TET3: variants seen among roughly 807,000 people sequenced by gnomAD.
TET3 encodes the protein tet methylcytosine dioxygenase 3, also known as methylcytosine dioxygenase TET3.
In TET3, 19 loss-of-function variants were observed where a neutral mutation model predicts 141.4. That is an observed-to-expected ratio of 0.13 (90% CI 0.09 to 0.20). The LOEUF is 0.20. Among genes scored for constraint, TET3 ranks in the 10% least tolerant of loss-of-function variants. The probability of loss-of-function intolerance (pLI) is 1.00; values close to 1 mark genes in which losing one functional copy is unlikely to be tolerated. For missense variants in TET3, 1,874 were observed against 2,356.9 expected (o/e 0.80, Z 4.24); for synonymous variants, 1,043 against 980.9 (o/e 1.06, Z -1.18).
chr2:74,052,300 T>G (rs1347717663), intron 4 of TET3, among the ~76,000 whole-genome samples: 1 of 152,112 alleles, frequency 6.6e-6, no homozygotes, highest in Non-Finnish European at 1.5e-5. Context: ...TCAGTTGGTA[T>G]GGTAGAATTT....
intron 3 of TET3, among the ~76,000 whole-genome samples, chr2:74,026,392 A>T (rs902540418): frequency 9.9e-5 from 15 of 152,042 alleles, no homozygotes; most frequent in African/African-American, 3.4e-4. Context: ...CTTTGAGGCC[A>T]GTGGCCGGGG....
At chr2:74,068,444 T>G (rs371255622) in intron 4 of TET3, among the ~76,000 whole-genome samples, 1 of 152,190 alleles carries the variant, frequency 6.6e-6, no homozygotes, top group African/African-American at 2.4e-5. Flanking sequence ...TAATTCCTTT[T>G]GACAACTGCT....
chr2:74,024,917 C>G (rs1440790245), intron 3 of TET3, among the ~76,000 whole-genome samples: 2 of 151,934 alleles, frequency 1.3e-5, no homozygotes, highest in Non-Finnish European at 2.9e-5. Context: ...GTATTTGAAC[C>G]ATTTGAAAGT....
At chr2:74,119,284 C>T in the TET3 span, among the ~76,000 whole-genome samples, 3 of 147,778 alleles carry the variant, frequency 2.0e-5, no homozygotes, top group East Asian at 2.0e-4. Flanking sequence ...ACCGGGGAGG[C>T]GGAGGTTGCA....
intron 3 of TET3, among the ~76,000 whole-genome samples, chr2:74,008,289 A>T (rs1685247334): frequency 6.6e-6 from 1 of 152,180 alleles, no homozygotes; most frequent in South Asian, 2.1e-4. Flanking sequence ...GTAGATAAGG[A>T]TGCCTCCTGC....
intron 2 of TET3, among the ~76,000 whole-genome samples, chr2:73,998,767 A>T (rs1436118628): frequency 1.3e-5 from 2 of 152,066 alleles, no homozygotes; most frequent in Non-Finnish European, 2.9e-5. Context: ...GGGGACTTCA[A>T]ACATAGGCTC....
intron 1 of TET3, among the ~76,000 whole-genome samples, chr2:73,985,367 C>T (rs569826289): frequency 4.2e-5 from 6 of 143,098 alleles, no homozygotes; most frequent in African/African-American, 1.3e-4. Context: ...GCGAAGCCGC[C>T]GGAGCGGAGT....
chr2:74,066,905 C>G (rs1688935188), intron 4 of TET3, among the ~76,000 whole-genome samples: 2 of 152,186 alleles, frequency 1.3e-5, no homozygotes, highest in Admixed American at 1.3e-4. Flanking sequence ...TGATGTTTCT[C>G]TTCCCAGCAT....
chr2:74,110,265 T>C (rs1691669889), downstream of TET3, among the ~76,000 whole-genome samples: 1 of 152,176 alleles, frequency 6.6e-6, no homozygotes, highest in African/African-American at 2.4e-5. Context: ...CCATCTTAAA[T>C]GAACTGTTTA....
intron 4 of TET3, among the ~76,000 whole-genome samples, chr2:74,058,033 C>G (rs10179742): frequency 0.2 from 30,941 of 151,862 alleles, 5,571 homozygotes; most frequent in African/African-American, 0.49. Context: ...CAGTCGCTAT[C>G]AAATAAAAAA....
Position 74,008,663 on chromosome 2 carries a change from G to T in TET3, c.360+5497G>T, listed in dbSNP as rs903337276. ...CTTCCCCCTACTTTCTGTTGCTGAGGATCTACGGCCTTTTTTGAGATGCTA... is the reference window on the plus strand; with the variant it reads ...CTTCCCCCTACTTTCTGTTGCTGAGTATCTACGGCCTTTTTTGAGATGCTA... On this transcript the variant is annotated intron_variant, in intron 3 of 11. Transcript: ENST00000409262. Among the ~76,000 whole-genome samples, 3 of 152,178 alleles carry T rather than the reference G, an allele frequency of 2.0e-5. No homozygotes were observed. In the East Asian group the frequency reaches 5.8e-4, roughly 29 times the overall value.
chr2:74,101,003 C>T lies in TET3; in HGVS notation c.4215C>T (p.Thr1405=), dbSNP rs753379034. The part of the protein sequence containing the change: ...SIKQEPVDPL[T]QAEPVPRDAG... Reference sequence around the variant, plus strand: ...AGCAAGAGCCAGTAGACCCGCTGACCCAGGCTGAGCCTGTGCCCAGAGACG... The same window carrying T: ...AGCAAGAGCCAGTAGACCCGCTGACTCAGGCTGAGCCTGTGCCCAGAGACG... The change falls in exon 12 of 12, where the codon ACC becomes ACT. Residue 1405 remains threonine, a synonymous_variant. Coordinates refer to ENST00000409262, the MANE Select transcript of TET3 (RefSeq NM_001287491.2). The surrounding 1 kb of genome is among the most constrained non-coding windows in gnomAD (Gnocchi z 8.5). 17 of 1,613,008 alleles carry T rather than the reference C, an allele frequency of 1.1e-5. No homozygotes were observed. Among genetic ancestry groups the T allele is most frequent in the Non-Finnish European group, 8.5e-6 (10 of 1,179,530 alleles).
intron 3 of TET3, among the ~76,000 whole-genome samples, chr2:74,004,440 G>C (rs1425313410): frequency 6.6e-6 from 1 of 152,194 alleles, no homozygotes; most frequent in Non-Finnish European, 1.5e-5. Flanking sequence ...CCACGTGGGG[G>C]ATAGGGACTT....
At chr2:74,097,232 T>C (rs62150619) in intron 10 of TET3, among the ~76,000 whole-genome samples, 2,886 of 74,520 alleles carry the variant, frequency 0.039, 59 homozygotes, top group South Asian at 0.08. Flanking sequence ...CACACACACA[T>C]ACATTCAAAT....
chr2:74,089,656 A>G (rs1375261725), intron 7 of TET3, among the ~76,000 whole-genome samples: 2 of 152,226 alleles, frequency 1.3e-5, no homozygotes, highest in African/African-American at 4.8e-5. Flanking sequence ...TGCTACTCCC[A>G]GCAACAGACT....
chr2:74,093,120 C>T lies in TET3; in HGVS notation c.3129+129C>T, dbSNP rs1394595763. The T allele has an allele frequency of 1.8e-5, 15 of 854,940 alleles. No individual in the cohort carries two copies. The highest frequency in any genetic ancestry group is 2.7e-5 in the Admixed American group (1 of 36,460). 53.0% of individuals were successfully genotyped at this position (854,940 alleles called of 1,614,324 possible). A position where few individuals can be genotyped will look rare whatever the true frequency, so the allele number is the denominator to read the frequency against. On this transcript the variant is annotated intron_variant, in intron 9 of 11. Transcript: ENST00000409262. The surrounding 1 kb of genome is among the most constrained non-coding windows in gnomAD (Gnocchi z 4.2). Reference sequence around the variant, plus strand: ...GGAAGAGCCTAGTCCAGAAGTAAAGCGATATGATGTGGTTCTTTGATAAAA... The same window carrying T: ...GGAAGAGCCTAGTCCAGAAGTAAAGTGATATGATGTGGTTCTTTGATAAAA...
intron 10 of TET3, among the ~76,000 whole-genome samples, chr2:74,096,109 T>C (rs1376256172): frequency 6.6e-6 from 1 of 152,218 alleles, no homozygotes; most frequent in African/African-American, 2.4e-5. Flanking sequence ...CTTTTGATAT[T>C]TGTAAAGTAT....
chr2:74,055,158 C>T (rs889321095), intron 4 of TET3, among the ~76,000 whole-genome samples: 1 of 152,108 alleles, frequency 6.6e-6, no homozygotes, highest in African/African-American at 2.4e-5. Flanking sequence ...CCTCGGCCTC[C>T]CAGAATGCTA....
chr2:74,095,101 A>G (rs1336377055), intron 10 of TET3, among the ~76,000 whole-genome samples: 1 of 152,118 alleles, frequency 6.6e-6, no homozygotes, highest in Non-Finnish European at 1.5e-5. Flanking sequence ...CAGGGCTTCC[A>G]GGGGCTGAGG....
Sources: gnomAD v4.1 joint callset for allele counts (sites outside exome capture counted in the v4.1 genomes callset) on GRCh38, gnomAD v4.1.1 for gene constraint, Gnocchi (gnomAD v3.1) non-coding constraint, MANE v1.5 for transcripts, NCBI Gene and HGNC (gene_info 2026-07-23, HGNC 2026-07-21) for gene names.